Variants in KLRG1 observed in about 807,000 individuals in gnomAD.
KLRG1 encodes the protein killer cell lectin-like receptor subfamily G member 1.
KLRG1 carries 16 observed loss-of-function variants against 21.8 expected under a neutral mutation model. The ratio of observed to expected loss-of-function variants is 0.73; its 90% CI spans 0.50 to 1.11. KLRG1 has a LOEUF of 1.11. KLRG1 is among the 50% of genes most tolerant of loss of function. The pLI is 0.00. For missense variants in KLRG1, 173 were observed against 218.3 expected (o/e 0.79, Z 1.31); for synonymous variants, 69 against 75.9 (o/e 0.91, Z 0.47).
At chr12:9,068,458 CTACT>C in the KLRG1 span, among the ~76,000 whole-genome samples, 1 of 152,090 alleles carries the variant, frequency 6.6e-6, no homozygotes, top group Non-Finnish European at 1.5e-5. Flanking sequence ...TTCAGATGTT[CTACT>C]TACTTAAATC....
the KLRG1 span, among the ~76,000 whole-genome samples, chr12:9,197,718 AAT>A: frequency 1.2e-3 from 109 of 89,840 alleles, 2 homozygotes; most frequent in Middle Eastern, 8.9e-3. Flanking sequence ...TACAATACAT[AAT>A]ATATATAATT....
At chr12:9,091,823 A>G in the KLRG1 span, among the ~76,000 whole-genome samples, 1 of 152,228 alleles carries the variant, frequency 6.6e-6, no homozygotes, top group Non-Finnish European at 1.5e-5. Context: ...GGGATCTCTT[A>G]CAGGCAATCT....
chr12:9,115,691 A>G, the KLRG1 span: 1 of 1,126,812 alleles, frequency 8.9e-7, no homozygotes, highest in Admixed American at 1.8e-5. Context: ...AGAAAAAGGA[A>G]TGATATAAAG....
chr12:9,072,395 T>C, the KLRG1 span: 5 of 1,613,772 alleles, frequency 3.1e-6, no homozygotes, highest in Non-Finnish European at 4.2e-6. Context: ...GGTGTGGGCT[T>C]TGGGTTCATC....
At chr12:9,192,199 C>G in the KLRG1 span, 98 of 1,613,472 alleles carry the variant, frequency 6.1e-5, 1 homozygote, top group Non-Finnish European at 7.7e-5. Context: ...TCACTGTCTC[C>G]TGACTCCACA....
At chr12:9,128,597 C>A in the KLRG1 span, 1 of 152,200 alleles carries the variant, frequency 6.6e-6, no homozygotes, top group Non-Finnish European at 1.5e-5. Flanking sequence ...CCTGCTCGAG[C>A]GCCAGAAAGA....
the KLRG1 span, chr12:9,095,580 C>T: frequency 1.2e-6 from 2 of 1,612,300 alleles, no homozygotes; most frequent in South Asian, 1.1e-5. Context: ...GTACTTGATA[C>T]TGGAGTATAT....
At chr12:9,175,313 A>G in the KLRG1 span, among the ~76,000 whole-genome samples, 1 of 152,250 alleles carries the variant, frequency 6.6e-6, no homozygotes, top group Admixed American at 6.5e-5. Flanking sequence ...AAATTAACTC[A>G]AGATGAATTA....
At chr12:9,166,459 A>G in the KLRG1 span, among the ~76,000 whole-genome samples, 2 of 152,156 alleles carry the variant, frequency 1.3e-5, no homozygotes, top group African/African-American at 4.8e-5. Flanking sequence ...AAACGAGATC[A>G]CTTGGAGACA....
At chr12:9,017,978 A>C in the KLRG1 span, among the ~76,000 whole-genome samples, 1 of 152,236 alleles carries the variant, frequency 6.6e-6, no homozygotes, top group African/African-American at 2.4e-5. Flanking sequence ...ACAGTGAACA[A>C]TCTGAAAAAG....
chr12:9,122,316 C>A, the KLRG1 span, among the ~76,000 whole-genome samples: 2 of 152,156 alleles, frequency 1.3e-5, no homozygotes, highest in Admixed American at 1.3e-4. Flanking sequence ...TGGTTCATGA[C>A]CCTTAACCAT....
the KLRG1 span, among the ~76,000 whole-genome samples, chr12:9,194,462 GTTTT>G: frequency 8.6e-4 from 78 of 90,828 alleles, no homozygotes; most frequent in Non-Finnish European, 1.4e-3. Flanking sequence ...AAGTCAGGGA[GTTTT>G]TTTTTTTTTT....
chr12:9,138,154 C>A, the KLRG1 span, among the ~76,000 whole-genome samples: 2 of 151,882 alleles, frequency 1.3e-5, no homozygotes, highest in South Asian at 4.1e-4. Flanking sequence ...ATCTATGGGC[C>A]TTTCATATAT....
chr12:9,035,242 A>G, the KLRG1 span, among the ~76,000 whole-genome samples: 3 of 152,134 alleles, frequency 2.0e-5, no homozygotes, highest in Non-Finnish European at 4.4e-5. Flanking sequence ...TGTGGCACAT[A>G]TACACCATGG....
the KLRG1 span, among the ~76,000 whole-genome samples, chr12:9,138,003 C>A: frequency 6.6e-6 from 1 of 151,962 alleles, no homozygotes; most frequent in African/African-American, 2.4e-5. Flanking sequence ...ATTTGGTAGG[C>A]TTTAATTTAT....
the KLRG1 span, among the ~76,000 whole-genome samples, chr12:9,125,598 ATAT>A: frequency 6.6e-6 from 1 of 152,226 alleles, no homozygotes; most frequent in African/African-American, 2.4e-5. Context: ...TCATTCTGAA[ATAT>A]TATACATTGC....
intron 1 of KLRG1, among the ~76,000 whole-genome samples, chr12:8,974,956 T>G (rs1592248927): frequency 2.0e-5 from 3 of 151,880 alleles, no homozygotes; most frequent in African/African-American, 2.4e-5. Context: ...GGTGCAGTGG[T>G]GTGATCTAGG....
At chr12:9,152,216 C>T in the KLRG1 span, 1 of 1,581,438 alleles carries the variant, frequency 6.3e-7, no homozygotes, top group Non-Finnish European at 8.7e-7. Flanking sequence ...TAAAATACAC[C>T]TACCATTTTT....
rs774865824 is a variant in KLRG1 at position 8,995,281 on chromosome 12, A to G, written c.350A>G (p.Gln117Arg). ...DSHLLVITDN[Q>R]EMSLLQVFLS... ...CACCTCCTTGTGATAACGGACAATC[A>G]GGAAATGGTAAATGCAAACATTTAG... Residue 117 changes from glutamine (Q) to arginine (R), a missense_variant, in exon 3 of 5, where the codon CAG (glutamine) becomes CGG (arginine). Transcript: ENST00000356986. The G allele has an allele frequency of 4.4e-6, 7 of 1,603,450 alleles. No homozygotes were observed. The highest frequency in any genetic ancestry group is 1.1e-5 in the South Asian group (1 of 88,834).
Sources: gnomAD v4.1 joint callset for allele counts (sites outside exome capture counted in the v4.1 genomes callset) on GRCh38, gnomAD v4.1.1 for gene constraint, MANE v1.5 for transcripts, NCBI Gene and HGNC (gene_info 2026-07-23, HGNC 2026-07-21) for gene names.